The following ADGRL3 variants were observed in gnomAD, a reference collection of about 807,000 sequenced individuals.
ADGRL3 encodes adhesion G protein-coupled receptor L3.
In ADGRL3, 62 loss-of-function variants were observed where a neutral mutation model predicts 153.5. The ratio of observed to expected loss-of-function variants is 0.40; its 90% CI spans 0.33 to 0.50. The LOEUF (loss-of-function observed/expected upper bound fraction) is 0.50. Among genes scored for constraint, ADGRL3 ranks in the 20% least tolerant of loss-of-function variants. ADGRL3 has a pLI of 0.47. For missense variants in ADGRL3, 1,641 were observed against 1,859.4 expected (o/e 0.88, Z 2.16); for synonymous variants, 710 against 672.5 (o/e 1.06, Z -0.86).
intron 8 of ADGRL3, among the ~76,000 whole-genome samples, chr4:61,769,241 G>A (rs897767224): frequency 6.6e-5 from 10 of 152,150 alleles, no homozygotes; most frequent in African/African-American, 2.2e-4. Flanking sequence ...TTGGGTTCAC[G>A]GATAAAACAT....
At chr4:61,994,953 C>T (rs1012838902) in intron 19 of ADGRL3, among the ~76,000 whole-genome samples, 3 of 150,896 alleles carry the variant, frequency 2.0e-5, no homozygotes, top group Non-Finnish European at 4.4e-5. Flanking sequence ...CACTCTGTCA[C>T]CCAGGCTGGA....
intron 5 of ADGRL3, among the ~76,000 whole-genome samples, chr4:61,592,766 T>C (rs997022303): frequency 6.6e-6 from 1 of 152,188 alleles, no homozygotes; most frequent in Admixed American, 6.5e-5. Context: ...CCATATGCAT[T>C]GTTCAGAGTT....
chr4:61,796,989 C>T (rs2097422976), intron 8 of ADGRL3, among the ~76,000 whole-genome samples: 1 of 152,148 alleles, frequency 6.6e-6, no homozygotes, highest in South Asian at 2.1e-4. Flanking sequence ...TAAAGTTCAG[C>T]ATTCACAGCC....
intron 21 of ADGRL3, among the ~76,000 whole-genome samples, chr4:62,007,605 G>A (rs2151198868): frequency 6.6e-6 from 1 of 150,598 alleles, no homozygotes; most frequent in Non-Finnish European, 1.5e-5. Context: ...CCAGGATGTG[G>A]CTCCTGGCTC....
intron 2 of ADGRL3, among the ~76,000 whole-genome samples, chr4:61,397,590 C>G (rs895248173): frequency 7.3e-5 from 11 of 151,674 alleles, no homozygotes; most frequent in African/African-American, 2.7e-4. Context: ...ACTTTTCCAC[C>G]ACATAGCCAG....
At chr4:62,006,003 C>CACATATATATATATAT (rs1230956055) in intron 21 of ADGRL3, among the ~76,000 whole-genome samples, 1 of 49,020 alleles carries the variant, frequency 2.0e-5, no homozygotes, top group African/African-American at 7.4e-5. Context: ...CACACACACA[C>CACATATATATATATAT]ATATATATAT....
At chr4:61,364,900 A>AT (rs1004359527) in intron 1 of ADGRL3, among the ~76,000 whole-genome samples, 13 of 152,184 alleles carry the variant, frequency 8.5e-5, no homozygotes, top group African/African-American at 3.1e-4. Flanking sequence ...GTGGTATGAT[A>AT]TTTTAATAGA....
At chr4:61,797,240 T>C (rs996930879) in intron 8 of ADGRL3, among the ~76,000 whole-genome samples, 1 of 152,214 alleles carries the variant, frequency 6.6e-6, no homozygotes, top group African/African-American at 2.4e-5. Context: ...GTTACAACTC[T>C]GGTGTCTTAG....
Position 61,465,777 on chromosome 4 carries a change from A to ATATATATATC in ADGRL3, c.-173-31343_-173-31342insATATATATCT, listed in dbSNP as rs1480766959. Among the ~76,000 whole-genome samples, 6 of 145,428 alleles carry ATATATATATC rather than the reference A, an allele frequency of 4.1e-5. No individual in the cohort carries two copies. The South Asian group carries it at 8.6e-4, about 21-fold the overall frequency. On this transcript the variant is annotated intron_variant, in intron 2 of 26. Coordinates refer to ENST00000683033, the MANE Select transcript of ADGRL3 (RefSeq NM_001387552.1). ...TATATAAATATATATATATATATAT[A>ATATATATATC]TCTTATATGGAATATATATTTTCGT... is the stretch of plus-strand genomic sequence containing the variant.
chr4:61,363,654 A>G (rs1266344944), intron 1 of ADGRL3, among the ~76,000 whole-genome samples: 1 of 152,186 alleles, frequency 6.6e-6, no homozygotes, highest in African/African-American at 2.4e-5. Context: ...TAGGATTTCA[A>G]AAAGGATGTA....
In ADGRL3 at chr4:61,968,651, TG is replaced by T. The variant is rs551422679; in HGVS notation, c.2806-10908del. Among the ~76,000 whole-genome samples the T allele has an allele frequency of 3.0e-3, 452 of 152,292 alleles. 2 individuals are homozygous for T. Among genetic ancestry groups the T allele is most frequent in the African/African-American group, 9.6e-3 (399 of 41,570 alleles). On this transcript the variant is annotated intron_variant, in intron 17 of 26. Coordinates refer to ENST00000683033, the MANE Select transcript of ADGRL3 (RefSeq NM_001387552.1). Reference sequence around the variant, plus strand: ...GCCCATTAAGTGCTTCTGCACATTCTGGGGAAACTGAAAAGTGACCAAAAAA... The same window carrying T: ...GCCCATTAAGTGCTTCTGCACATTCTGGGAAACTGAAAAGTGACCAAAAAA...
rs1312110620 is a variant in ADGRL3 at position 61,948,081 on chromosome 4, G to T, written c.2629-19G>T. The stretch of plus-strand genomic sequence containing the variant: ...TCATAAAGTAGTTGTTGATTTTATG[G>T]ATTTTTTTTCCCCTGTAGCAGTCAG... On this transcript the variant is annotated intron_variant, in intron 16 of 26. Transcript: ENST00000683033. The T allele has an allele frequency of 6.3e-7, 1 of 1,589,280 alleles. No homozygotes were observed.
chr4:61,455,977 G>A (rs1055804078), intron 2 of ADGRL3, among the ~76,000 whole-genome samples: 2 of 151,692 alleles, frequency 1.3e-5, no homozygotes, highest in Admixed American at 1.3e-4. Context: ...CACTATGCCC[G>A]GCTAATTTTT....
At chr4:61,379,192 G>T (rs13136685) in intron 1 of ADGRL3, among the ~76,000 whole-genome samples, 3 of 151,600 alleles carry the variant, frequency 2.0e-5, no homozygotes, top group African/African-American at 7.3e-5. Context: ...AGACCTGAAG[G>T]GGGTAGTTGG....
chr4:61,745,170 G>C (rs1175194874), intron 8 of ADGRL3, among the ~76,000 whole-genome samples: 1 of 152,050 alleles, frequency 6.6e-6, no homozygotes, highest in Non-Finnish European at 1.5e-5. Flanking sequence ...AGAGAAAAAA[G>C]AATAAAAAGA....
intron 5 of ADGRL3, among the ~76,000 whole-genome samples, chr4:61,652,979 A>G (rs1233388670): frequency 2.0e-5 from 3 of 151,962 alleles, no homozygotes; most frequent in Non-Finnish European, 4.4e-5. Context: ...CCCCCCGGCC[A>G]TATTGATATG....
At chr4:61,747,718 A>G (rs1439204014) in intron 8 of ADGRL3, among the ~76,000 whole-genome samples, 1 of 148,588 alleles carries the variant, frequency 6.7e-6, no homozygotes, top group African/African-American at 2.5e-5. Flanking sequence ...CAAAATAATA[A>G]GAGCTATCTA....
intron 3 of ADGRL3, among the ~76,000 whole-genome samples, chr4:61,513,124 T>C (rs191827300): frequency 3.7e-4 from 57 of 152,292 alleles, no homozygotes; most frequent in African/African-American, 1.3e-3. Flanking sequence ...TTGTTTTGTT[T>C]AGAGTCCCAG....
At chr4:61,411,086 G>A (rs1305540126) in intron 2 of ADGRL3, among the ~76,000 whole-genome samples, 1 of 152,144 alleles carries the variant, frequency 6.6e-6, no homozygotes, top group Non-Finnish European at 1.5e-5. Context: ...TGAGTATGGA[G>A]CCTCATGCAA....
Sources: gnomAD v4.1 joint callset for allele counts (sites outside exome capture counted in the v4.1 genomes callset) on GRCh38, gnomAD v4.1.1 for gene constraint, MANE v1.5 for transcripts, NCBI Gene and HGNC (gene_info 2026-07-23, HGNC 2026-07-21) for gene names.